Variants in LRRC8E observed in about 807,000 individuals in gnomAD.
The protein encoded by LRRC8E is volume-regulated anion channel subunit LRRC8E.
A neutral mutation model predicts 6.1 loss-of-function variants in LRRC8E; 6 were observed. The observed-to-expected ratio is 0.98, with a 90% CI of 0.54 to 1.93. LRRC8E has a LOEUF of 1.93. Among genes scored for constraint, LRRC8E ranks in the 30% most tolerant of loss-of-function variants. The pLI, the probability that LRRC8E is intolerant of heterozygous loss-of-function variation, is 0.01. For synonymous variants in LRRC8E, 485 were observed against 472.8 expected, an observed-to-expected ratio of 1.03 and a Z score of -0.33; for missense variants, 1,028 against 1,031.4, an observed-to-expected ratio of 1.00 and a Z score of 0.04.
At chr19:7,896,311 C>T (rs1599606227) in intron 2 of LRRC8E, among the ~76,000 whole-genome samples, 2 of 150,276 alleles carry the variant, frequency 1.3e-5, no homozygotes. Context: ...TGGTGGCTCA[C>T]ACCTGTAATC....
In LRRC8E at chr19:7,900,636, C is replaced by T; in HGVS notation, c.2114C>T (p.Ala705Val). The T allele has an allele frequency of 6.2e-7, 1 of 1,613,432 alleles. No individual in the cohort carries two copies. The highest frequency in any genetic ancestry group is 8.5e-7 in the Non-Finnish European group (1 of 1,180,034). The stretch of plus-strand genomic sequence containing the variant: ...CTCCTGCAGAACCTACAGCACCTGG[C>T]CCTCTCCTACAATGCCCTGGAGGCC... Reference protein sequence around the residue: ...VGLLQNLQHLALSYNALEALP... With the variant: ...VGLLQNLQHLVLSYNALEALP... The change falls in exon 3 of 3, where the codon GCC becomes GTC. Residue 705 changes from alanine to valine, a missense_variant. Physicochemically the swap from Ala to Val is moderately conservative, Grantham distance 64. Transcript: ENST00000306708. The surrounding 1 kb of genome is among the most constrained non-coding windows in gnomAD (Gnocchi z 5.0).
At chr19:7,896,372 G>A (rs551890036) in intron 2 of LRRC8E, among the ~76,000 whole-genome samples, 56 of 150,476 alleles carry the variant, frequency 3.7e-4, no homozygotes, top group African/African-American at 1.3e-3. Context: ...CCAGAAGTTT[G>A]AGACCAGCCT....
rs1982041140 is a variant in LRRC8E, at chr19:7,901,836, A to G, written c.*923A>G. On this transcript the variant is annotated 3_prime_UTR_variant, in exon 3 of 3. Transcript: ENST00000306708. ...CTCAGGAAAATGCTGGTGTACAAAT[A>G]CACACAAAGCTCTTCAGGCAGCTGA... 6.6e-6 allele frequency: 1 copy of G among 152,160 alleles called. No individual in the cohort carries two copies. Among genetic ancestry groups the G allele is most frequent in the African/African-American group, 2.4e-5 (1 of 41,412 alleles). The allele number at this position is 152,160 out of a possible 1,614,324, so 9.4% of individuals were successfully genotyped here.
At chr19:7,893,399 C>G (rs1981416697) in intron 1 of LRRC8E, among the ~76,000 whole-genome samples, 1 of 151,728 alleles carries the variant, frequency 6.6e-6, no homozygotes. Context: ...CCTCGGCCTC[C>G]CAAAGTATAC....
Position 7,895,705 on chromosome 19 carries a change from C to T in LRRC8E, c.102C>T (p.Ala34=), listed in dbSNP as rs762919653. ...TGCTGGCCGAGTACCTCACCGTGGC[C>T]ATGCTCATGATTGGGGTCTTTGGCT... ...WDVLAEYLTV[A]MLMIGVFGCT... is the part of the protein sequence containing the mutation. The change falls in exon 2 of 3, where the codon GCC becomes GCT. Residue 34 remains alanine (A), a synonymous_variant. Transcript: ENST00000306708. The surrounding 1 kb of genome is among the most constrained non-coding windows in gnomAD (Gnocchi z 4.7). 1.2e-6 allele frequency: 2 copies of T among 1,614,098 alleles called. No homozygotes were observed. Among genetic ancestry groups the T allele is most frequent in the Non-Finnish European group, 1.7e-6 (2 of 1,179,968 alleles).
Position 7,895,462 on chromosome 19 carries a change from C to G in LRRC8E, c.-5-137C>G, listed in dbSNP as rs530727355. ...CCAGGCTAAGAGGGAAGTGGGGGCA[C>G]ACACTTTGGTGGTTTGGACAAGTTT... is the stretch of plus-strand genomic sequence containing the variant. On this transcript the variant is annotated intron_variant, in intron 1 of 2. Coordinates refer to ENST00000306708, the MANE Select transcript of LRRC8E (RefSeq NM_025061.6). The surrounding 1 kb of genome is among the most constrained non-coding windows in gnomAD (Gnocchi z 4.7). The G allele has an allele frequency of 1.9e-6, 2 of 1,054,040 alleles. No individual in the cohort carries two copies. Among genetic ancestry groups the G allele is most frequent in the Admixed American group, 2.2e-5 (1 of 45,638 alleles). The allele number at this position is 1,054,040 out of a possible 1,614,324, so 65.3% of individuals were successfully genotyped here.
chr19:7,891,523 G>A (rs888926727), intron 1 of LRRC8E, among the ~76,000 whole-genome samples: 5 of 125,104 alleles, frequency 4.0e-5, no homozygotes, highest in Admixed American at 1.6e-4. Flanking sequence ...GTCCCTGCTC[G>A]GGTGTGTGTG....
At chr19:7,897,362 C>T (rs573041648) in intron 2 of LRRC8E, among the ~76,000 whole-genome samples, 25 of 151,658 alleles carry the variant, frequency 1.6e-4, no homozygotes, top group Admixed American at 3.3e-4. Context: ...TTAGTAGAGA[C>T]GTGGTTTCAG....
At chr19:7,897,381 C>G (rs980293983) in intron 2 of LRRC8E, among the ~76,000 whole-genome samples, 1 of 151,870 alleles carries the variant, frequency 6.6e-6, no homozygotes, top group Admixed American at 6.6e-5. Flanking sequence ...AGTATGTTGG[C>G]CAGGCTGGTC....
In LRRC8E at chr19:7,900,322, A is replaced by G. The variant is rs1981918639; in HGVS notation, c.1800A>G (p.Ala600=). 4 of 1,613,162 alleles carry G rather than the reference A, an allele frequency of 2.5e-6. No individual in the cohort carries two copies. The highest frequency in any genetic ancestry group is 1.7e-5 in the Admixed American group (1 of 60,000). The change falls in exon 3 of 3, where the codon GCA becomes GCG. Residue 600 remains alanine, a synonymous_variant. Transcript: ENST00000306708. This position sits in a 1 kb window ranked among gnomAD's most constrained non-coding sequence, Gnocchi z 5.0. ...VACGLERIPH[A]VFSLGALQEL... is the part of the protein sequence containing the mutation. ...GCGGGCTGGAGCGCATCCCCCATGC[A>G]GTGTTCAGCCTGGGTGCGCTGCAGG... is the stretch of plus-strand genomic sequence containing the variant.
rs749572525 is a variant in LRRC8E at position 7,898,773 on chromosome 19, T to C, written c.251T>C (p.Leu84Pro). 6.2e-5 allele frequency: 100 copies of C among 1,614,032 alleles called. No homozygotes were observed. Among genetic ancestry groups the C allele is most frequent in the Non-Finnish European group, 7.6e-5 (90 of 1,180,036 alleles). Residue 84 changes from leucine (L) to proline (P), a missense_variant, in exon 3 of 3, where the codon CTG (leucine) becomes CCG (proline). Coordinates refer to ENST00000306708, the MANE Select transcript of LRRC8E (RefSeq NM_025061.6). ...PRGIPEQIGALQEVKGLKNNL... is the reference protein window; with the variant it reads ...PRGIPEQIGAPQEVKGLKNNL... ...GGGATCCCTGAGCAGATTGGGGCCC[T>C]GCAGGAGGTTAAAGGCCTTAAGAAC... is the stretch of plus-strand genomic sequence containing the variant.
At position 7,900,494 on chromosome 19, in the gene LRRC8E, C is replaced by T; in HGVS notation, c.1972C>T (p.Leu658Phe). Reference sequence around the variant, plus strand: ...GCGGAAGCTCAGGAGCCTGGAGCAGCTCTACCTCAGCTACAACAAGCTGGA... The same window carrying T: ...GCGGAAGCTCAGGAGCCTGGAGCAGTTCTACCTCAGCTACAACAAGCTGGA... ...HVRKLRSLEQLYLSYNKLETL... is the reference protein window; with the variant it reads ...HVRKLRSLEQFYLSYNKLETL... Residue 658 changes from leucine (L) to phenylalanine (F), a missense_variant, in exon 3 of 3, where the codon CTC becomes TTC. By Grantham distance (22) the Leu-to-Phe change is conservative. Transcript: ENST00000306708. The surrounding 1 kb of genome is among the most constrained non-coding windows in gnomAD (Gnocchi z 5.0). 2 of 1,613,018 alleles carry T rather than the reference C, an allele frequency of 1.2e-6. No homozygotes were observed. Among genetic ancestry groups the T allele is most frequent in the Non-Finnish European group, 1.7e-6 (2 of 1,180,026 alleles).
chr19:7,891,532 TGTGTGTGTGTGTGTTTG>T (rs1981310542), intron 1 of LRRC8E, among the ~76,000 whole-genome samples: 2 of 128,250 alleles, frequency 1.6e-5, no homozygotes, highest in African/African-American at 5.5e-5. Context: ...CGGGTGTGTG[TGTGTGTGTGTGTGTTTG>T]TGTGTGTGTG....
chr19:7,900,459 C>T lies in LRRC8E; in HGVS notation c.1937C>T (p.Pro646Leu). The T allele has an allele frequency of 6.2e-7, 1 of 1,612,974 alleles. No individual in the cohort carries two copies. ...RLWHNQIAYV[P>L]EHVRKLRSLE... ...TGGCACAACCAGATCGCCTACGTCC[C>T]TGAGCACGTGCGGAAGCTCAGGAGC... Residue 646 changes from proline (P) to leucine (L), a missense_variant, in exon 3 of 3, where the codon CCT becomes CTT. Transcript: ENST00000306708. This position sits in a 1 kb window ranked among gnomAD's most constrained non-coding sequence, Gnocchi z 5.0.
chr19:7,892,463 C>T (rs539271563), intron 1 of LRRC8E, among the ~76,000 whole-genome samples: 16 of 152,306 alleles, frequency 1.1e-4, no homozygotes, highest in African/African-American at 3.8e-4. Flanking sequence ...CTGCCTCAGC[C>T]TCCCAAAGTG....
chr19:7,893,241 T>G (rs1451721436), intron 1 of LRRC8E, among the ~76,000 whole-genome samples: 2 of 151,820 alleles, frequency 1.3e-5, no homozygotes, highest in Admixed American at 6.6e-5. Flanking sequence ...CTCCTGACCT[T>G]GTGATTTGCC....
intron 1 of LRRC8E, among the ~76,000 whole-genome samples, chr19:7,894,563 G>A (rs1981477428): frequency 6.6e-6 from 1 of 152,198 alleles, no homozygotes; most frequent in African/African-American, 2.4e-5. Flanking sequence ...AGGACAGGAG[G>A]CTCCCAGGAG....
At position 7,899,267 on chromosome 19, in the gene LRRC8E, G is replaced by A. The variant is rs967623599; in HGVS notation, c.745G>A (p.Asp249Asn). ...KKFRMHVEEG[D>N]ILYTMYIRQT... ...GTTCCGCATGCACGTGGAAGAGGGCGACATCCTGTACACCATGTACATCCG... is the reference window on the plus strand; with the variant it reads ...GTTCCGCATGCACGTGGAAGAGGGCAACATCCTGTACACCATGTACATCCG... The change falls in exon 3 of 3, where the codon GAC (aspartate) becomes AAC (asparagine). Residue 249 changes from aspartate to asparagine, a missense_variant. Physicochemically the swap from Asp to Asn is conservative, Grantham distance 23. Transcript: ENST00000306708. The A allele has an allele frequency of 7.4e-6, 12 of 1,614,106 alleles. No individual in the cohort carries two copies. Among genetic ancestry groups the A allele is most frequent in the African/African-American group, 5.3e-5 (4 of 74,944 alleles).
rs1238658008 is a variant in LRRC8E at position 7,899,997 on chromosome 19, A to G, written c.1475A>G (p.Lys492Arg). 1.2e-6 allele frequency: 2 copies of G among 1,609,788 alleles called. No individual in the cohort carries two copies. Among genetic ancestry groups the G allele is most frequent in the African/African-American group, 2.7e-5 (2 of 74,898 alleles). ...LRDHLKVMRV[K>R]CEELREVPLW... is the part of the protein sequence containing the mutation. The stretch of plus-strand genomic sequence containing the variant: ...GACCACCTGAAGGTGATGCGCGTCA[A>G]ATGCGAGGAGCTCCGCGAGGTGCCG... The change falls in exon 3 of 3, where the codon AAA becomes AGA. Residue 492 changes from lysine (K) to arginine (R), a missense_variant. Transcript: ENST00000306708.
Sources: allele counts gnomAD v4.1 joint callset (sites outside exome capture counted in the v4.1 genomes callset), GRCh38; gene constraint gnomAD v4.1.1; non-coding constraint Gnocchi (gnomAD v3.1); transcripts MANE v1.5; gene names NCBI Gene and HGNC (gene_info 2026-07-23, HGNC 2026-07-21).